The following PARD3B variants were observed in gnomAD, a reference collection of about 807,000 sequenced individuals.
The protein encoded by PARD3B is partitioning defective 3 homolog B.
PARD3B carries 103 observed loss-of-function variants against 130.2 expected under a neutral mutation model. The ratio of observed to expected loss-of-function variants is 0.79; its 90% CI spans 0.67 to 0.93. The LOEUF (loss-of-function observed/expected upper bound fraction) is 0.93, where lower values mean the gene tolerates loss of function less well. Among genes scored for constraint, PARD3B ranks in the 40% least tolerant of loss-of-function variants. The probability of loss-of-function intolerance (pLI) is 0.00; values close to 1 mark genes in which losing one functional copy is unlikely to be tolerated. For synonymous variants in PARD3B, 583 were observed against 553.2 expected (o/e 1.05, Z -0.76); for missense variants, 1,609 against 1,499.2 (o/e 1.07, Z -1.21).
chr2:204,766,830 CATT>C (rs1233287182), intron 2 of PARD3B, among the ~76,000 whole-genome samples: 1 of 149,268 alleles, frequency 6.7e-6, no homozygotes, highest in African/African-American at 2.5e-5. Context: ...CAAAAGCAAA[CATT>C]AGAGATTATA....
At chr2:205,549,025 C>T (rs556927435) in intron 21 of PARD3B, among the ~76,000 whole-genome samples, 2 of 152,122 alleles carry the variant, frequency 1.3e-5, no homozygotes, top group African/African-American at 2.4e-5. Context: ...AAAAGATGTT[C>T]TACATCACAT....
rs539260961 is a variant in PARD3B, at chr2:205,284,723, A to AT, written c.2186-15798dup. On this transcript the variant is annotated intron_variant, in intron 16 of 22. Coordinates refer to ENST00000406610, the MANE Select transcript of PARD3B (RefSeq NM_001302769.2). ...GCTCAGCTAAAATTTCAAATGTAGT[A>AT]TTTTTTTTTCATTACCATTTTTACA... Among the ~76,000 whole-genome samples, 544 of 151,434 alleles carry AT rather than the reference A, an allele frequency of 3.6e-3. 2 individuals are homozygous for AT. Among genetic ancestry groups the AT allele is most frequent in the Admixed American group, 8.2e-3 (125 of 15,188 alleles).
chr2:205,546,142 C>T (rs1329935484), intron 21 of PARD3B, among the ~76,000 whole-genome samples: 1 of 152,186 alleles, frequency 6.6e-6, no homozygotes, highest in Non-Finnish European at 1.5e-5. Context: ...ACACCAAGCC[C>T]TCCTGATAGG....
intron 3 of PARD3B, among the ~76,000 whole-genome samples, chr2:205,040,222 A>T (rs929604613): frequency 1.3e-5 from 2 of 152,138 alleles, no homozygotes; most frequent in Non-Finnish European, 2.9e-5. Context: ...TTGGCCTCCC[A>T]AAGTTCTGGG....
At chr2:205,538,492 CAT>C (rs1401549849) in intron 21 of PARD3B, among the ~76,000 whole-genome samples, 2 of 151,674 alleles carry the variant, frequency 1.3e-5, no homozygotes, top group East Asian at 3.9e-4. Flanking sequence ...CACACACACA[CAT>C]GCATATCATC....
At chr2:205,611,460 A>G (rs956738277) in intron 22 of PARD3B, among the ~76,000 whole-genome samples, 1 of 152,230 alleles carries the variant, frequency 6.6e-6, no homozygotes, top group African/African-American at 2.4e-5. Flanking sequence ...CATGGCAAAA[A>G]GAAGAAATCC....
chr2:204,974,356 C>T (rs1267786282), intron 3 of PARD3B, among the ~76,000 whole-genome samples: 1 of 152,036 alleles, frequency 6.6e-6, no homozygotes, highest in Non-Finnish European at 1.5e-5. Context: ...GGCTTATTAC[C>T]TTATCACAAC....
At chr2:204,855,345 C>G (rs1208750083) in intron 2 of PARD3B, among the ~76,000 whole-genome samples, 1 of 151,942 alleles carries the variant, frequency 6.6e-6, no homozygotes. Context: ...GAGATTGAGA[C>G]CATCCTGGCC....
chr2:205,081,701 TAAATC>T (rs141046892), intron 4 of PARD3B, among the ~76,000 whole-genome samples: 1,781 of 152,244 alleles, frequency 0.012, 19 homozygotes, highest in Non-Finnish European at 0.018. Context: ...TTTTGAATGT[TAAATC>T]AAGTTTGCAT....
chr2:204,985,694 T>C (rs1693072748), intron 3 of PARD3B, among the ~76,000 whole-genome samples: 1 of 152,096 alleles, frequency 6.6e-6, no homozygotes, highest in Non-Finnish European at 1.5e-5. Context: ...GTGGAGACAA[T>C]TGATGAAGCC....
rs1384058953 is a variant in PARD3B, at chr2:204,994,197, G to C, written c.394+28874G>C. On this transcript the variant is annotated intron_variant, in intron 3 of 22. Coordinates refer to ENST00000406610, the MANE Select transcript of PARD3B (RefSeq NM_001302769.2). ...AGGGTGTCAATTTTGGATCTTTCCT[G>C]CTTTCTCTTGTAGGCATTTAGTGCT... is the stretch of plus-strand genomic sequence containing the variant. Among the ~76,000 whole-genome samples the C allele has an allele frequency of 8.0e-4, 109 of 135,732 alleles. No homozygotes were observed. The Middle Eastern group carries it at 0.019, about 23-fold the overall frequency. 89.0% of individuals were successfully genotyped at this position (135,732 alleles called of 152,430 possible).
Position 205,615,475 on chromosome 2 carries a change from G to A in PARD3B, c.3280G>A (p.Val1094Ile), listed in dbSNP as rs558334601. 5 of 1,608,676 alleles carry A rather than the reference G, an allele frequency of 3.1e-6. No individual in the cohort carries two copies. In the African/African-American group the frequency reaches 5.3e-5, roughly 17 times the overall value. The change falls in exon 23 of 23, where the codon GTA becomes ATA. Residue 1094 changes from valine to isoleucine, a missense_variant. Coordinates refer to ENST00000406610, the MANE Select transcript of PARD3B (RefSeq NM_001302769.2). ...SLPRGGPADP[V>I]DYLPAAPRGL... ...TTCCAGGGGAGGACCCGCAGATCCT[G>A]TAGACTATCTGCCAGCAGCACCTCG...
chr2:204,642,794 C>T (rs985559972), intron 1 of PARD3B, among the ~76,000 whole-genome samples: 6 of 151,694 alleles, frequency 4.0e-5, no homozygotes, highest in Non-Finnish European at 5.9e-5. Context: ...CTTGTATTCT[C>T]ACAAGACCTG....
Position 205,473,327 on chromosome 2 carries a change from A to C in PARD3B, c.3045-26569A>C, listed in dbSNP as rs189440037. ...TTAATTTTTCATGGATCGTTATGAA[A>C]AATATAAACAAACTTAAAATTCTAT... On this transcript the variant is annotated intron_variant, in intron 20 of 22. Transcript: ENST00000406610. This position sits in a 1 kb window ranked among gnomAD's most constrained non-coding sequence, Gnocchi z 4.9. 6.6e-6 allele frequency among the ~76,000 whole-genome samples: 1 copy of C among 152,252 alleles called. No homozygotes were observed. The highest frequency in any genetic ancestry group is 1.9e-4 in the East Asian group (1 of 5,180).
chr2:205,247,632 A>C (rs975654116), intron 16 of PARD3B, among the ~76,000 whole-genome samples: 7 of 152,192 alleles, frequency 4.6e-5, no homozygotes, highest in Admixed American at 4.6e-4. Flanking sequence ...CACTATTTTT[A>C]TATTTTTAAG....
At chr2:204,613,842 C>T (rs890231224) in intron 1 of PARD3B, among the ~76,000 whole-genome samples, 7 of 151,966 alleles carry the variant, frequency 4.6e-5, no homozygotes, top group African/African-American at 1.4e-4. Flanking sequence ...ATTGATCTTT[C>T]CTTAGGGTTA....
chr2:204,575,570 A>T (rs1260192360), intron 1 of PARD3B, among the ~76,000 whole-genome samples: 2 of 152,130 alleles, frequency 1.3e-5, no homozygotes, highest in Non-Finnish European at 2.9e-5. Context: ...GAATGGACTT[A>T]GGCTGGAAAT....
chr2:204,670,942 G>T (rs963295503), intron 1 of PARD3B, among the ~76,000 whole-genome samples: 4 of 152,094 alleles, frequency 2.6e-5, no homozygotes, highest in South Asian at 2.1e-4. Flanking sequence ...ATTGATTTTG[G>T]ACTTTTTCCT....
intron 18 of PARD3B, among the ~76,000 whole-genome samples, chr2:205,346,263 G>A (rs1395073269): frequency 6.6e-6 from 1 of 151,224 alleles, no homozygotes; most frequent in Non-Finnish European, 1.5e-5. Flanking sequence ...GAAAAATTAG[G>A]CTGCCTGGCC....
Sources: gnomAD v4.1 joint callset for allele counts (sites outside exome capture counted in the v4.1 genomes callset) on GRCh38, gnomAD v4.1.1 for gene constraint, Gnocchi (gnomAD v3.1) non-coding constraint, MANE v1.5 for transcripts, NCBI Gene and HGNC (gene_info 2026-07-23, HGNC 2026-07-21) for gene names.